Variants in PPP1R12B observed in about 807,000 individuals in gnomAD.
PPP1R12B encodes the protein myosin phosphatase target subunit 2.
In PPP1R12B, 76 loss-of-function variants were observed where a neutral mutation model predicts 126.1. That is an observed-to-expected ratio of 0.60 (90% CI 0.50 to 0.73). PPP1R12B has a LOEUF of 0.73. PPP1R12B is among the 30% of genes least tolerant of loss of function. The pLI, the probability that PPP1R12B is intolerant of heterozygous loss-of-function variation, is 0.00. For synonymous variants in PPP1R12B, 356 were observed against 434.7 expected, an observed-to-expected ratio of 0.82 and a Z score of 2.25; for missense variants, 1,052 against 1,205.1, an observed-to-expected ratio of 0.87 and a Z score of 1.88.
intron 1 of PPP1R12B, among the ~76,000 whole-genome samples, chr1:202,362,651 G>C (rs1238841974): frequency 1.6e-5 from 2 of 127,836 alleles, no homozygotes; most frequent in East Asian, 2.9e-4. Flanking sequence ...GCAAGGCCCA[G>C]GGTTTTTGTT....
At chr1:202,448,894 T>C (rs1388684349) in intron 12 of PPP1R12B, 95 bp from the exon 13 acceptor site, 2 of 1,318,392 alleles carry the variant, frequency 1.5e-6, no homozygotes, top group African/African-American at 2.9e-5. Flanking sequence ...ATTTCCTAGA[T>C]GAACCACTCT....
chr1:202,559,085 T>A lies in PPP1R12B; in HGVS notation c.2507+192T>A, dbSNP rs1342008662. Among the ~76,000 whole-genome samples, 7 of 152,246 alleles carry A rather than the reference T, an allele frequency of 4.6e-5. No individual in the cohort carries two copies. The East Asian group carries it at 1.3e-3, about 29-fold the overall frequency. ...AAGCAATGGAACAAGCTTTTCAATTTACCTTCCTGCTTCCAGATTCTCCTC... is the reference window on the plus strand; with the variant it reads ...AAGCAATGGAACAAGCTTTTCAATTAACCTTCCTGCTTCCAGATTCTCCTC... On this transcript the variant is annotated intron_variant, in intron 19 of 23. Coordinates refer to ENST00000608999, the MANE Select transcript of PPP1R12B (RefSeq NM_002481.4).
At chr1:202,357,784 C>G (rs1015775170) in intron 1 of PPP1R12B, among the ~76,000 whole-genome samples, 3 of 152,120 alleles carry the variant, frequency 2.0e-5, no homozygotes, top group African/African-American at 7.2e-5. Context: ...CTGCCATTCT[C>G]TTACATTTAT....
At chr1:202,416,325 G>A in intron 1 of PPP1R12B, among the ~76,000 whole-genome samples, 1 of 151,980 alleles carries the variant, frequency 6.6e-6, no homozygotes. Context: ...TCGGGAGTTC[G>A]AGACAAGCCT....
intron 18 of PPP1R12B, among the ~76,000 whole-genome samples, chr1:202,540,993 A>G (rs1283256534): frequency 2.6e-5 from 4 of 152,234 alleles, no homozygotes; most frequent in Non-Finnish European, 5.9e-5. Context: ...GGGCATTTGC[A>G]TCTGATTTAG....
chr1:202,534,670 A>G (rs571341455), intron 18 of PPP1R12B, among the ~76,000 whole-genome samples: 64 of 151,678 alleles, frequency 4.2e-4, no homozygotes, highest in African/African-American at 1.5e-3. Context: ...TGTAAAGCCA[A>G]TCCCCTAACT....
chr1:202,446,860 G>A lies in PPP1R12B; in HGVS notation c.1668-2129G>A, dbSNP rs571629427. 2.0e-5 allele frequency among the ~76,000 whole-genome samples: 3 copies of A among 152,050 alleles called. No individual in the cohort carries two copies. In the East Asian group the frequency reaches 5.8e-4, roughly 29 times the overall value. On this transcript the variant is annotated intron_variant, in intron 12 of 23. Coordinates refer to ENST00000608999, the MANE Select transcript of PPP1R12B (RefSeq NM_002481.4). ...GCTCCACAGTCATTAAAGGATCCAG[G>A]TTCTTTCGCTCCACAGTTCTTGCAT... is the stretch of plus-strand genomic sequence containing the variant.
chr1:202,488,034 C>G (rs750269947), intron 13 of PPP1R12B, among the ~76,000 whole-genome samples: 6 of 152,154 alleles, frequency 3.9e-5, no homozygotes, highest in Non-Finnish European at 7.3e-5. Context: ...AAGAGATTAA[C>G]AATAATACTA....
At chr1:202,376,118 G>T (rs193208067) in intron 1 of PPP1R12B, among the ~76,000 whole-genome samples, 22 of 152,268 alleles carry the variant, frequency 1.4e-4, no homozygotes, top group African/African-American at 5.3e-4. Context: ...AATTTAATAA[G>T]AATAATCAGA....
chr1:202,421,383 T>A (rs1360829098), intron 2 of PPP1R12B, among the ~76,000 whole-genome samples: 1 of 150,140 alleles, frequency 6.7e-6, no homozygotes, highest in Non-Finnish European at 1.5e-5. Context: ...ACACCTGTAA[T>A]CCCAGCACTT....
At chr1:202,529,170 G>T (rs1370957354) in intron 18 of PPP1R12B, among the ~76,000 whole-genome samples, 1 of 152,044 alleles carries the variant, frequency 6.6e-6, no homozygotes, top group African/African-American at 2.4e-5. Flanking sequence ...TAGATGGCAC[G>T]TAGACAACTA....
chr1:202,493,227 G>A lies in PPP1R12B; in HGVS notation c.2055G>A (p.Glu685=), dbSNP rs149774919. Residue 685 remains glutamate (E), a synonymous_variant, in exon 15 of 24, where the codon GAG becomes GAA. Coordinates refer to ENST00000608999, the MANE Select transcript of PPP1R12B (RefSeq NM_002481.4). ...REKPTDTEGL[E]GSPEKHEPSA... is the part of the protein sequence containing the mutation. ...AGCCCACAGACACTGAAGGGCTTGA[G>A]GGGAGCCCTGAGAAGCATGAGCCCT... The A allele has an allele frequency of 8.5e-4, 1,368 of 1,613,024 alleles. 7 individuals are homozygous for A. Among genetic ancestry groups the A allele is most frequent in the Middle Eastern group, 1.3e-3 (7 of 5,262 alleles).
intron 18 of PPP1R12B, among the ~76,000 whole-genome samples, chr1:202,515,388 T>A (rs1251994030): frequency 6.6e-6 from 1 of 152,192 alleles, no homozygotes; most frequent in African/African-American, 2.4e-5. Context: ...CTTAACTTCT[T>A]ATAACTCAAG....
chr1:202,540,446 A>G (rs1381486900), intron 18 of PPP1R12B, among the ~76,000 whole-genome samples: 1 of 152,254 alleles, frequency 6.6e-6, no homozygotes, highest in Non-Finnish European at 1.5e-5. Context: ...AGTCTTAAGT[A>G]AAAGCAGACT....
intron 18 of PPP1R12B, among the ~76,000 whole-genome samples, chr1:202,555,347 A>AAAAAAAAAAAAAAAAAAAAC (rs1686795669): frequency 7.0e-6 from 1 of 143,816 alleles, no homozygotes; most frequent in Non-Finnish European, 1.5e-5. Flanking sequence ...AAAAAAAAAA[A>AAAAAAAAAAAAAAAAAAAAC]AAAAAAGCTT....
chr1:202,530,260 A>T, intron 18 of PPP1R12B, among the ~76,000 whole-genome samples: 1 of 152,066 alleles, frequency 6.6e-6, no homozygotes, highest in East Asian at 1.9e-4. Context: ...TGCCAGTAGC[A>T]CCCTCCAATC....
chr1:202,517,324 C>T (rs1682264403), intron 18 of PPP1R12B, among the ~76,000 whole-genome samples: 2 of 152,112 alleles, frequency 1.3e-5, no homozygotes, highest in Non-Finnish European at 2.9e-5. Context: ...GAATGAGGAA[C>T]TGAGAACTCT....
At chr1:202,353,089 G>T (rs1243598342) in intron 1 of PPP1R12B, among the ~76,000 whole-genome samples, 1 of 152,204 alleles carries the variant, frequency 6.6e-6, no homozygotes, top group Non-Finnish European at 1.5e-5. Flanking sequence ...ATAGGAACAA[G>T]TGAGGGGAGG....
intron 19 of PPP1R12B, among the ~76,000 whole-genome samples, chr1:202,562,274 G>T (rs1435114165): frequency 6.6e-6 from 1 of 152,190 alleles, no homozygotes; most frequent in Non-Finnish European, 1.5e-5. Flanking sequence ...AAATGTTTGG[G>T]ATTCCAGCAA....
Sources: gnomAD v4.1 joint callset for allele counts (sites outside exome capture counted in the v4.1 genomes callset) on GRCh38, gnomAD v4.1.1 for gene constraint, MANE v1.5 for transcripts, NCBI Gene and HGNC (gene_info 2026-07-23, HGNC 2026-07-21) for gene names.